Variants in EBF1 observed in about 807,000 individuals in gnomAD.
EBF1 encodes transcription factor COE1.
A neutral mutation model predicts 68.4 loss-of-function variants in EBF1; 10 were observed. That is an observed-to-expected ratio of 0.15 (90% CI 0.09 to 0.25). The LOEUF (loss-of-function observed/expected upper bound fraction) is 0.25. Among genes scored for constraint, EBF1 ranks in the 10% least tolerant of loss-of-function variants. The pLI is 1.00. For synonymous variants in EBF1, 298 were observed against 299.8 expected (o/e 0.99, Z 0.06); for missense variants, 509 against 794.4 (o/e 0.64, Z 4.32).
chr5:158,762,134 A>G (rs1419093706), intron 10 of EBF1, among the ~76,000 whole-genome samples: 2 of 152,154 alleles, frequency 1.3e-5, no homozygotes, highest in Non-Finnish European at 2.9e-5. Flanking sequence ...AATTTGGGCA[A>G]TTATGAAGTC....
intron 5 of EBF1, among the ~76,000 whole-genome samples, chr5:159,077,076 GT>G (rs1274131919): frequency 1.3e-5 from 2 of 152,188 alleles, no homozygotes; most frequent in Admixed American, 6.5e-5. Flanking sequence ...GGAAGAGACA[GT>G]TTTTACAAGT....
intron 2 of EBF1, 97 bp from the exon 3 acceptor site, chr5:159,096,503 A>AC (rs1782634077): frequency 7.0e-6 from 10 of 1,430,646 alleles, no homozygotes; most frequent in Non-Finnish European, 8.7e-6. Flanking sequence ...CCAAGCCGGG[A>AC]CCCCCGCTGG....
chr5:158,794,220 A>G (rs1779210060), intron 9 of EBF1, among the ~76,000 whole-genome samples: 1 of 152,114 alleles, frequency 6.6e-6, no homozygotes. Flanking sequence ...CCTGGGACAG[A>G]GTGAAGAGGG....
intron 5 of EBF1, among the ~76,000 whole-genome samples, chr5:159,083,091 G>C (rs941547715): frequency 6.6e-6 from 1 of 152,166 alleles, no homozygotes; most frequent in African/African-American, 2.4e-5. Context: ...ATGATATATA[G>C]ATGTTATTTG....
chr5:158,749,795 T>C (rs528133083), intron 10 of EBF1, among the ~76,000 whole-genome samples: 38 of 152,242 alleles, frequency 2.5e-4, no homozygotes, highest in African/African-American at 7.2e-4. Context: ...CAAGGGAGGC[T>C]GGACATACCT....
At chr5:158,835,613 C>T (rs1289346152) in intron 7 of EBF1, among the ~76,000 whole-genome samples, 1 of 152,128 alleles carries the variant, frequency 6.6e-6, no homozygotes, top group East Asian at 1.9e-4. Flanking sequence ...GTCATTAGGG[C>T]TCTCAGATGT....
Position 159,022,873 on chromosome 5 carries a change from CAAG to C in EBF1, c.554+50520_554+50522del, listed in dbSNP as rs531380164. Among the ~76,000 whole-genome samples the C allele has an allele frequency of 2.1e-3, 312 of 152,128 alleles. 1 individual carries two copies. Among genetic ancestry groups the C allele is most frequent in the African/African-American group, 6.8e-3 (284 of 41,482 alleles). On this transcript the variant is annotated intron_variant, in intron 6 of 15. Transcript: ENST00000313708. ...GAAGAGCCTTCAATGCAAGAAAATG[CAAG>C]AAGAAGTACTCGAAGTTTTCTCTTT...
intron 6 of EBF1, among the ~76,000 whole-genome samples, chr5:159,013,692 C>T (rs2127688343): frequency 6.6e-6 from 1 of 152,222 alleles, no homozygotes; most frequent in Middle Eastern, 3.4e-3. Context: ...CAGTGGGAAA[C>T]CAATAAGGAC....
At chr5:158,758,747 T>C (rs1561843283) in intron 10 of EBF1, among the ~76,000 whole-genome samples, 1 of 152,196 alleles carries the variant, frequency 6.6e-6, no homozygotes, top group African/African-American at 2.4e-5. Context: ...CATCATTTAC[T>C]GTATTTGTAC....
chr5:158,859,420 T>C (rs948237503), intron 6 of EBF1, among the ~76,000 whole-genome samples: 5 of 152,316 alleles, frequency 3.3e-5, no homozygotes, highest in African/African-American at 1.2e-4. Flanking sequence ...CACTTCTCCA[T>C]ACAACTGAGG....
At chr5:158,911,054 C>T (rs1260501643) in intron 6 of EBF1, among the ~76,000 whole-genome samples, 3 of 152,124 alleles carry the variant, frequency 2.0e-5, no homozygotes, top group Admixed American at 6.5e-5. Flanking sequence ...AGAGAATTTC[C>T]TTCCCCATGT....
At position 158,831,167 on chromosome 5, in the gene EBF1, T is replaced by C. The variant is rs553609451; in HGVS notation, c.637-7850A>G. On this transcript the variant is annotated intron_variant, in intron 7 of 15. Coordinates refer to ENST00000313708, the MANE Select transcript of EBF1 (RefSeq NM_024007.5). ...GGTGCTCTCTGTGTGTGTGTCCTCA[T>C]TGGCCATTTTAGGTAGGAATGAGAC... Among the ~76,000 whole-genome samples the C allele has an allele frequency of 8.8e-4, 134 of 152,310 alleles. 3 individuals carry two copies. The South Asian group carries it at 0.027, about 30-fold the overall frequency.
chr5:158,989,380 A>T (rs550484689), intron 6 of EBF1, among the ~76,000 whole-genome samples: 1 of 152,306 alleles, frequency 6.6e-6, no homozygotes, highest in East Asian at 1.9e-4. Context: ...AATGATGGAC[A>T]ATTTCTTGTC....
chr5:159,095,796 G>A, intron 3 of EBF1, 121 bp from the exon 4 acceptor site: 1 of 994,366 alleles, frequency 1.0e-6, no homozygotes, highest in South Asian at 1.5e-5. Context: ...CACGAAAGGG[G>A]CTCCAAGGCT....
chr5:158,928,916 ATT>A (rs1244885715), intron 6 of EBF1, among the ~76,000 whole-genome samples: 2 of 152,232 alleles, frequency 1.3e-5, no homozygotes, highest in Non-Finnish European at 2.9e-5. Flanking sequence ...TATGCATATA[ATT>A]TGAGACTTTT....
At chr5:158,769,309 C>T (rs944499262) in intron 10 of EBF1, among the ~76,000 whole-genome samples, 6 of 152,092 alleles carry the variant, frequency 3.9e-5, no homozygotes, top group African/African-American at 1.4e-4. Context: ...CTCTCCCGGC[C>T]TTATCACTTA....
rs536651463 is a variant in EBF1, at chr5:158,695,933, G to GTAAC, written c.*3174_*3177dup. 14 of 181,584 alleles carry GTAAC rather than the reference G, an allele frequency of 7.7e-5. No homozygotes were observed. In the South Asian group the frequency reaches 2.4e-3, roughly 31 times the overall value. 11.2% of individuals were successfully genotyped at this position (181,584 alleles called of 1,614,324 possible). On this transcript the variant is annotated 3_prime_UTR_variant, in exon 16 of 16. Coordinates refer to ENST00000313708, the MANE Select transcript of EBF1 (RefSeq NM_024007.5). The stretch of plus-strand genomic sequence containing the variant: ...TAGGAGCTGCCATCACAGACAGGAA[G>GTAAC]TAACTTTAATTAAATATTGTGAAAG...
chr5:159,096,433 CA>C, intron 2 of EBF1, 27 bp from the exon 3 acceptor site: 1 of 1,610,504 alleles, frequency 6.2e-7, no homozygotes, highest in Non-Finnish European at 8.5e-7. Flanking sequence ...CGCAAAGACA[CA>C]AGAGATGCAG....
In EBF1 at chr5:159,082,128, A is replaced by T. The variant is rs565531950; in HGVS notation, c.485+2538T>A. On this transcript the variant is annotated intron_variant, in intron 5 of 15. Transcript: ENST00000313708. Reference sequence around the variant, plus strand: ...GAGACACAATTCTCTGGTGTTTCTCATTTTTTCTTTTTTTTTCCCCCTTTG... The same window carrying T: ...GAGACACAATTCTCTGGTGTTTCTCTTTTTTTCTTTTTTTTTCCCCCTTTG... Among the ~76,000 whole-genome samples the T allele has an allele frequency of 6.6e-5, 10 of 151,932 alleles. No individual in the cohort carries two copies. In the East Asian group the frequency reaches 1.5e-3, roughly 23 times the overall value.
Sources: allele counts gnomAD v4.1 joint callset (sites outside exome capture counted in the v4.1 genomes callset), GRCh38; gene constraint gnomAD v4.1.1; transcripts MANE v1.5; gene names NCBI Gene and HGNC (gene_info 2026-07-23, HGNC 2026-07-21).